SLC35E2B: variants seen among roughly 807,000 people sequenced by gnomAD.
SLC35E2B encodes the protein solute carrier family 35, member E2B.
Under a neutral mutation model 32.4 loss-of-function variants are expected in SLC35E2B, and 18 were observed. That is an observed-to-expected ratio of 0.56 (90% CI 0.38 to 0.82). The LOEUF is 0.82. SLC35E2B is among the 40% of genes least tolerant of loss of function. SLC35E2B has a pLI of 0.00. For synonymous variants in SLC35E2B, 132 were observed against 209.1 expected (o/e 0.63, Z 3.18); for missense variants, 263 against 469.5 (o/e 0.56, Z 4.06).
chr1:1,667,772 C>T (rs1336062591), intron 9 of SLC35E2B, among the ~76,000 whole-genome samples: 4 of 152,128 alleles, frequency 2.6e-5, no homozygotes, highest in South Asian at 4.1e-4. Flanking sequence ...AACCTTCAAA[C>T]GCAGAGACTT....
chr1:1,678,315 C>T (rs913100470), intron 2 of SLC35E2B, among the ~76,000 whole-genome samples: 17 of 152,080 alleles, frequency 1.1e-4, no homozygotes, highest in East Asian at 9.6e-4. Flanking sequence ...GTGCTCAGGC[C>T]GGCCTCTCCC....
At chr1:1,667,683 G>A (rs1400886271) in intron 9 of SLC35E2B, among the ~76,000 whole-genome samples, 1 of 152,112 alleles carries the variant, frequency 6.6e-6, no homozygotes, top group Non-Finnish European at 1.5e-5. Flanking sequence ...GGACAGCCCA[G>A]AAGAGACCAT....
chr1:1,670,122 A>G lies in SLC35E2B; in HGVS notation c.737T>C (p.Leu246Pro). The part of the protein sequence containing the change: ...CLQNVFSKKL[L>P]SGDKYRFSAP... ...CGAGAACCTGTATTTGTCCCCGCTGAGCAGCTTTTTTGAAAAAACATTTTG... is the reference window on the plus strand; with the variant it reads ...CGAGAACCTGTATTTGTCCCCGCTGGGCAGCTTTTTTGAAAAAACATTTTG... Residue 246 changes from leucine to proline, a missense_variant, in exon 7 of 10, where the codon CTC becomes CCC. By Grantham distance (98) the Leu-to-Pro change is moderately conservative (BLOSUM62 -3). Coordinates refer to ENST00000617444, the MANE Select transcript of SLC35E2B (RefSeq NM_001290264.2). 2 of 1,551,958 alleles carry G rather than the reference A, an allele frequency of 1.3e-6. No homozygotes were observed. The highest frequency in any genetic ancestry group is 1.7e-6 in the Non-Finnish European group (2 of 1,146,832).
At chr1:1,690,716 C>G (rs1644008672) in intron 2 of SLC35E2B, among the ~76,000 whole-genome samples, 1 of 91,530 alleles carries the variant, frequency 1.1e-5, no homozygotes, top group Non-Finnish European at 2.1e-5. Flanking sequence ...GCCTGGGTGA[C>G]ACAGCAAGAC....
At position 1,662,573 on chromosome 1, in the gene SLC35E2B, C is replaced by G. The variant is rs1179737788; in HGVS notation, c.*3209G>C. ...TCTGACTCACCATGGTAATTTTTCA[C>G]AAATTAAAGACACATTTTGGGTTGT... On this transcript the variant is annotated 3_prime_UTR_variant, in exon 10 of 10. Coordinates refer to ENST00000617444, the MANE Select transcript of SLC35E2B (RefSeq NM_001290264.2). 1.1e-6 allele frequency: 1 copy of G among 877,730 alleles called. No individual in the cohort carries two copies. Among genetic ancestry groups the G allele is most frequent in the African/African-American group, 1.8e-5 (1 of 55,408 alleles). 54.4% of individuals were successfully genotyped at this position (877,730 alleles called of 1,614,324 possible).
intron 2 of SLC35E2B, among the ~76,000 whole-genome samples, chr1:1,679,524 C>T (rs1472521758): frequency 6.6e-6 from 1 of 152,108 alleles, no homozygotes; most frequent in Non-Finnish European, 1.5e-5. Flanking sequence ...GTTCTCTGTA[C>T]ATCAAGAACT....
intron 2 of SLC35E2B, among the ~76,000 whole-genome samples, chr1:1,681,156 C>T (rs1028128015): frequency 1.3e-5 from 2 of 151,904 alleles, no homozygotes; most frequent in Admixed American, 1.3e-4. Flanking sequence ...CAAATGCAAA[C>T]AGATTCCGGC....
intron 9 of SLC35E2B, 150 bp downstream of exon 9, chr1:1,668,177 G>C: frequency 9.2e-7 from 1 of 1,086,916 alleles, no homozygotes; most frequent in Non-Finnish European, 1.3e-6. Flanking sequence ...AAACAGCATG[G>C]GTATAAAATA....
At position 1,679,412 on chromosome 1, in the gene SLC35E2B, A is replaced by G. The variant is rs576093816; in HGVS notation, c.-147-2566T>C. ...CCTTCTCTGCTGACACTGTGCTCCA[A>G]GAAGCCTGTGGGACCCACACAAGCA... On this transcript the variant is annotated intron_variant, in intron 2 of 9. Coordinates refer to ENST00000617444, the MANE Select transcript of SLC35E2B (RefSeq NM_001290264.2). 2.6e-5 allele frequency among the ~76,000 whole-genome samples: 4 copies of G among 152,032 alleles called. No individual in the cohort carries two copies. The East Asian group carries it at 7.7e-4, about 29-fold the overall frequency.
chr1:1,670,195 C>T (rs1643650655), intron 6 of SLC35E2B, 44 bp from the exon 7 acceptor site: 2 of 1,388,272 alleles, frequency 1.4e-6, no homozygotes, highest in Admixed American at 2.0e-5. Flanking sequence ...TAGTCCTCGG[C>T]ACGGAACATC....
chr1:1,668,495 C>G (rs777699235), intron 8 of SLC35E2B, 23 bp from the exon 9 acceptor site: 1 of 1,614,066 alleles, frequency 6.2e-7, no homozygotes, highest in Non-Finnish European at 8.5e-7. Flanking sequence ...CAAAAGGGTA[C>G]TCTATCGGTT....
chr1:1,666,576 C>T (rs1643550758), intron 9 of SLC35E2B, among the ~76,000 whole-genome samples: 1 of 152,204 alleles, frequency 6.6e-6, no homozygotes, highest in East Asian at 1.9e-4. Context: ...CCCCTGAGTA[C>T]TTCAGCCTGC....
intron 2 of SLC35E2B, among the ~76,000 whole-genome samples, chr1:1,688,350 C>A (rs1205470543): frequency 6.6e-6 from 1 of 152,122 alleles, no homozygotes; most frequent in East Asian, 1.9e-4. Flanking sequence ...CTCACACCTG[C>A]CATCCCAGCA....
Position 1,664,548 on chromosome 1 carries a change from G to A in SLC35E2B, c.*1234C>T. The A allele has an allele frequency of 1.1e-6, 1 of 911,052 alleles. No homozygotes were observed. The highest frequency in any genetic ancestry group is 1.3e-6 in the Non-Finnish European group (1 of 765,000). 56.4% of individuals were successfully genotyped at this position (911,052 alleles called of 1,614,324 possible). ...ATTGGGGGTAAAGAGCTCAGACATGGTCAGAAGCCTCTGCCTAACACACGG... is the reference window on the plus strand; with the variant it reads ...ATTGGGGGTAAAGAGCTCAGACATGATCAGAAGCCTCTGCCTAACACACGG... On this transcript the variant is annotated 3_prime_UTR_variant, in exon 10 of 10. Coordinates refer to ENST00000617444, the MANE Select transcript of SLC35E2B (RefSeq NM_001290264.2).
chr1:1,663,184 C>G lies in SLC35E2B; in HGVS notation c.*2598G>C, dbSNP rs1319820594. 73 of 918,140 alleles carry G rather than the reference C, an allele frequency of 8.0e-5. 10 individuals carry two copies. Among genetic ancestry groups the G allele is most frequent in the Non-Finnish European group, 9.4e-5 (72 of 767,816 alleles). The allele number at this position is 918,140 out of a possible 1,614,324, so 56.9% of individuals were successfully genotyped here. A position where few individuals can be genotyped will look rare whatever the true frequency, so the allele number is the denominator to read the frequency against. ...GAGCAGCGTTACACAGGAAATTACCCTATTTGCTAATCCTTTGGAAAAACG... is the reference window on the plus strand; with the variant it reads ...GAGCAGCGTTACACAGGAAATTACCGTATTTGCTAATCCTTTGGAAAAACG... On this transcript the variant is annotated 3_prime_UTR_variant, in exon 10 of 10. Coordinates refer to ENST00000617444, the MANE Select transcript of SLC35E2B (RefSeq NM_001290264.2).
intron 9 of SLC35E2B, among the ~76,000 whole-genome samples, chr1:1,666,483 C>T (rs1643548544): frequency 6.6e-6 from 1 of 152,136 alleles, no homozygotes; most frequent in Non-Finnish European, 1.5e-5. Context: ...ACCTGGGCCT[C>T]CCACAGAGCT....
At chr1:1,688,693 CA>C (rs1393150654) in intron 2 of SLC35E2B, among the ~76,000 whole-genome samples, 2 of 151,496 alleles carry the variant, frequency 1.3e-5, no homozygotes, top group African/African-American at 4.9e-5. Flanking sequence ...GAAAGCTATG[CA>C]CGCACAAAGC....
At chr1:1,686,716 A>G (rs1570346708) in intron 2 of SLC35E2B, among the ~76,000 whole-genome samples, 1 of 151,828 alleles carries the variant, frequency 6.6e-6, no homozygotes, top group East Asian at 1.9e-4. Flanking sequence ...CAGTGAGCCG[A>G]GATCATGCCA....
chr1:1,675,132 A>G (rs61776787), intron 5 of SLC35E2B, among the ~76,000 whole-genome samples: 85,559 of 145,564 alleles, frequency 0.59, 28,406 homozygotes, highest in Non-Finnish European at 0.75. Context: ...GGCGGCCCCC[A>G]CCCGTCCTCT....
Sources: allele counts gnomAD v4.1 joint callset (sites outside exome capture counted in the v4.1 genomes callset), GRCh38; gene constraint gnomAD v4.1.1; transcripts MANE v1.5; gene names NCBI Gene and HGNC (gene_info 2026-07-23, HGNC 2026-07-21).